Variants in SYT14 observed in about 807,000 individuals in gnomAD.
The protein encoded by SYT14 is synaptotagmin-14.
Under a neutral mutation model 74.2 loss-of-function variants are expected in SYT14, and 32 were observed. The observed-to-expected ratio is 0.43, with a 90% CI of 0.33 to 0.58. The LOEUF (loss-of-function observed/expected upper bound fraction) is 0.58, where lower values mean the gene tolerates loss of function less well. SYT14 is among the 20% of genes least tolerant of loss of function. SYT14 has a pLI of 0.05. For synonymous variants in SYT14, 298 were observed against 337.7 expected (o/e 0.88, Z 1.29); for missense variants, 791 against 981.8 (o/e 0.81, Z 2.60).
chr1:209,988,257 A>T (rs908418852), intron 2 of SYT14, among the ~76,000 whole-genome samples: 3 of 152,122 alleles, frequency 2.0e-5, no homozygotes, highest in Non-Finnish European at 4.4e-5. Flanking sequence ...TATCTAAGAC[A>T]TTTTAGTTTT....
At chr1:210,155,609 A>T in intron 7 of SYT14, 112 bp from the exon 7 acceptor site, 1 of 1,151,884 alleles carries the variant, frequency 8.7e-7, no homozygotes, top group Non-Finnish European at 1.3e-6. Context: ...TTGGTTTGCA[A>T]CTCATCTTTA....
At chr1:210,012,020 A>G (rs949265998) in intron 2 of SYT14, among the ~76,000 whole-genome samples, 2 of 152,310 alleles carry the variant, frequency 1.3e-5, no homozygotes, top group Admixed American at 6.5e-5. Context: ...GTGATTTCAT[A>G]TATTTGCTTG....
At chr1:210,001,291 A>G (rs2102879447) in intron 2 of SYT14, among the ~76,000 whole-genome samples, 1 of 151,672 alleles carries the variant, frequency 6.6e-6, no homozygotes, top group Non-Finnish European at 1.5e-5. Flanking sequence ...AGGTTTCTTA[A>G]TAACTTTTTT....
intron 2 of SYT14, among the ~76,000 whole-genome samples, chr1:209,967,208 G>A (rs112558044): frequency 3.4e-4 from 51 of 152,216 alleles, no homozygotes; most frequent in African/African-American, 1.2e-3. Flanking sequence ...TTGTTGGAGT[G>A]GATTTGCTAA....
At chr1:209,971,297 G>C (rs1345681140) in intron 2 of SYT14, among the ~76,000 whole-genome samples, 2 of 152,046 alleles carry the variant, frequency 1.3e-5, no homozygotes, top group African/African-American at 2.4e-5. Context: ...AGTCTTTAGG[G>C]TTTTCTCGGC....
intron 5 of SYT14, among the ~76,000 whole-genome samples, chr1:210,074,892 C>T (rs1472177004): frequency 6.6e-6 from 1 of 152,154 alleles, no homozygotes. Context: ...CATCCATAGG[C>T]GGCTTGTGTT....
chr1:210,129,499 TAGAA>T (rs1305009757), intron 7 of SYT14, among the ~76,000 whole-genome samples: 2 of 152,152 alleles, frequency 1.3e-5, no homozygotes, highest in East Asian at 3.8e-4. Context: ...AGATGAAAGT[TAGAA>T]AGGAGTTAAG....
intron 2 of SYT14, among the ~76,000 whole-genome samples, chr1:210,001,253 AT>A (rs34076794): frequency 0.23 from 34,333 of 150,830 alleles, 4,165 homozygotes; most frequent in Middle Eastern, 0.3. Flanking sequence ...AAATTTGCTA[AT>A]TTTTTTTTAA....
chr1:209,986,885 G>T (rs1452193636), intron 2 of SYT14, among the ~76,000 whole-genome samples: 1 of 152,050 alleles, frequency 6.6e-6, no homozygotes, highest in African/African-American at 2.4e-5. Context: ...GCCTCCCAAA[G>T]TGCTGGGATT....
Position 209,942,362 on chromosome 1 carries a change from C to CG in SYT14, c.-534+4085_-534+4086insG, listed in dbSNP as rs1491007906. On this transcript the variant is annotated intron_variant, in intron 1 of 9. Coordinates refer to ENST00000637265, the Ensembl canonical transcript of SYT14. The stretch of plus-strand genomic sequence containing the variant: ...AAATCCAGCCTCCATGCAAATTTAC[C>CG]CCCCCCCCCCCGCTCTGTTGTGCAG... Among the ~76,000 whole-genome samples the CG allele has an allele frequency of 3.7e-4, 8 of 21,696 alleles. 1 individual carries two copies. The highest frequency in any genetic ancestry group is 1.9e-3 in the Admixed American group (2 of 1,078). 14.2% of individuals were successfully genotyped at this position (21,696 alleles called of 152,430 possible). A position where few individuals can be genotyped will look rare whatever the true frequency, so the allele number is the denominator to read the frequency against.
intron 8 of SYT14, chr1:210,156,733 G>A (rs1272627110): frequency 1.1e-5 from 1 of 94,190 alleles, no homozygotes; most frequent in Non-Finnish European, 2.1e-5. Context: ...TGTTCTTATC[G>A]CCTAGGCTGG....
chr1:209,952,857 G>T (rs990334885), intron 2 of SYT14, 101 bp downstream of exon 2: 43 of 1,180,250 alleles, frequency 3.6e-5, no homozygotes, highest in Non-Finnish European at 4.9e-5. Flanking sequence ...TTTATGAAGT[G>T]TAAATTTTAG....
chr1:210,144,086 A>C (rs1223497451), intron 7 of SYT14, among the ~76,000 whole-genome samples: 1 of 152,176 alleles, frequency 6.6e-6, no homozygotes, highest in Non-Finnish European at 1.5e-5. Context: ...AGGCACCTAC[A>C]GTTATGCAAT....
chr1:210,016,489 A>G, exon 4 of SYT14: 1 of 1,232,096 alleles, frequency 8.1e-7, no homozygotes, highest in Non-Finnish European at 1.0e-6. Context: ...CAAGGGCTGG[A>G]TCTATTTGTC....
At chr1:210,035,828 G>A (rs2080648992) in intron 5 of SYT14, among the ~76,000 whole-genome samples, 1 of 152,022 alleles carries the variant, frequency 6.6e-6, no homozygotes, top group African/African-American at 2.4e-5. Flanking sequence ...ATAATTTGAA[G>A]TCAGGTCATG....
At chr1:210,144,811 T>C (rs2082996318) in intron 7 of SYT14, among the ~76,000 whole-genome samples, 1 of 152,160 alleles carries the variant, frequency 6.6e-6, no homozygotes, top group Non-Finnish European at 1.5e-5. Flanking sequence ...CATAATTGGA[T>C]ATATCAACTT....
intron 5 of SYT14, among the ~76,000 whole-genome samples, chr1:210,039,048 T>A (rs1050401851): frequency 6.6e-6 from 1 of 152,144 alleles, no homozygotes; most frequent in Non-Finnish European, 1.5e-5. Flanking sequence ...CTATGACTCC[T>A]AGGTTCTGGT....
chr1:209,939,008 C>T (rs964908538), intron 1 of SYT14, among the ~76,000 whole-genome samples: 2 of 152,132 alleles, frequency 1.3e-5, no homozygotes, highest in East Asian at 1.9e-4. Context: ...TGCCACAATG[C>T]TCATATTTCG....
chr1:210,098,638 C>T (rs543405560), intron 6 of SYT14, among the ~76,000 whole-genome samples: 12 of 151,508 alleles, frequency 7.9e-5, no homozygotes, highest in Non-Finnish European at 1.2e-4. Flanking sequence ...GTCATGTAGT[C>T]GTATGAGCTA....
Sources: gnomAD v4.1 joint callset for allele counts (sites outside exome capture counted in the v4.1 genomes callset) on GRCh38, gnomAD v4.1.1 for gene constraint, MANE v1.5 for transcripts, NCBI Gene and HGNC (gene_info 2026-07-23, HGNC 2026-07-21) for gene names.